Variants in MAGI2 observed in about 807,000 individuals in gnomAD.
MAGI2 encodes the protein membrane-associated guanylate kinase, WW and PDZ domain-containing protein 2.
A neutral mutation model predicts 133.3 loss-of-function variants in MAGI2; 35 were observed. That is an observed-to-expected ratio of 0.26 (90% CI 0.20 to 0.35). The LOEUF (loss-of-function observed/expected upper bound fraction) is 0.35. MAGI2 is among the 10% of genes least tolerant of loss of function. The pLI, the probability that MAGI2 is intolerant of heterozygous loss-of-function variation, is 1.00. For synonymous variants in MAGI2, 729 were observed against 710.6 expected (o/e 1.03, Z -0.41); for missense variants, 1,636 against 1,863.4 (o/e 0.88, Z 2.25).
At position 78,582,259 on chromosome 7, in the gene MAGI2, G is replaced by A. The variant is rs1802911375; in HGVS notation, c.538+44861C>T. Among the ~76,000 whole-genome samples, 2 of 152,284 alleles carry A rather than the reference G, an allele frequency of 1.3e-5. 1 individual carries two copies. The highest frequency in any genetic ancestry group is 3.9e-4 in the East Asian group (2 of 5,174). Reference sequence around the variant, plus strand: ...CCCTCAACCAGTCTTCAGGTATAAGGCAGGAAAGGAGTCTAAGAGCAACCA... The same window carrying A: ...CCCTCAACCAGTCTTCAGGTATAAGACAGGAAAGGAGTCTAAGAGCAACCA... On this transcript the variant is annotated intron_variant, in intron 3 of 21. Coordinates refer to ENST00000354212, the MANE Select transcript of MAGI2 (RefSeq NM_012301.4).
chr7:79,008,389 C>G lies in MAGI2; in HGVS notation c.302-1183G>C, dbSNP rs1284224063. Among the ~76,000 whole-genome samples, 3 of 152,238 alleles carry G rather than the reference C, an allele frequency of 2.0e-5. No homozygotes were observed. In the East Asian group the frequency reaches 5.8e-4, roughly 29 times the overall value. ...AATAGACTTACATATTGTAACATTTCTAAAGTTTTCAAAATCCATCATTTC... is the reference window on the plus strand; with the variant it reads ...AATAGACTTACATATTGTAACATTTGTAAAGTTTTCAAAATCCATCATTTC... On this transcript the variant is annotated intron_variant, in intron 1 of 21. Transcript: ENST00000354212.
In MAGI2 at chr7:79,136,426, A is replaced by T. The variant is rs545924939; in HGVS notation, c.302-129220T>A. ...CATTAAGAAAGACATGCAAATCTGCAGTGAACATTCAAGGACTAGCACCTT... is the reference window on the plus strand; with the variant it reads ...CATTAAGAAAGACATGCAAATCTGCTGTGAACATTCAAGGACTAGCACCTT... On this transcript the variant is annotated intron_variant, in intron 1 of 21. Transcript: ENST00000354212. Among the ~76,000 whole-genome samples, 5 of 152,354 alleles carry T rather than the reference A, an allele frequency of 3.3e-5. No homozygotes were observed. The South Asian group carries it at 8.3e-4, about 25-fold the overall frequency.
chr7:78,972,160 A>G (rs7804099), intron 2 of MAGI2, among the ~76,000 whole-genome samples: 7,127 of 152,046 alleles, frequency 0.047, 497 homozygotes, highest in African/African-American at 0.16. Flanking sequence ...AAGCAGGAAT[A>G]TAAAAAGAGC....
At chr7:78,120,574 A>G (rs1820335599) in intron 20 of MAGI2, among the ~76,000 whole-genome samples, 1 of 152,232 alleles carries the variant, frequency 6.6e-6, no homozygotes, top group Non-Finnish European at 1.5e-5. Context: ...GCATTGATGC[A>G]GGGATAGACA....
chr7:79,155,260 A>ATTTCATATGATC (rs11274701), intron 1 of MAGI2, among the ~76,000 whole-genome samples: 111,012 of 151,778 alleles, frequency 0.73, 42,035 homozygotes, highest in Non-Finnish European at 0.84. Context: ...TGAATAATCA[A>ATTTCATATGATC]TTTCACTTAT....
chr7:79,120,550 T>C (rs1212779790), intron 1 of MAGI2, among the ~76,000 whole-genome samples: 1 of 152,032 alleles, frequency 6.6e-6, no homozygotes. Flanking sequence ...TTGGCAAATA[T>C]TTTAAATAAG....
chr7:78,469,986 C>T lies in MAGI2; in HGVS notation c.1045+19775G>A, dbSNP rs78475975. Among the ~76,000 whole-genome samples, 535 of 152,244 alleles carry T rather than the reference C, an allele frequency of 3.5e-3. 3 individuals carry two copies. The highest frequency in any genetic ancestry group is 0.012 in the African/African-American group (503 of 41,558). The stretch of plus-strand genomic sequence containing the variant: ...ATGCAGAATATATAAAATGTGGCTT[C>T]GCTAAATGCCGTAGACACATGCAGT... On this transcript the variant is annotated intron_variant, in intron 6 of 21. Transcript: ENST00000354212.
At chr7:79,013,351 A>G (rs1808373911) in intron 1 of MAGI2, among the ~76,000 whole-genome samples, 1 of 152,174 alleles carries the variant, frequency 6.6e-6, no homozygotes, top group Non-Finnish European at 1.5e-5. Flanking sequence ...TCATCAAATA[A>G]GTAGGAAAGT....
chr7:79,152,702 C>T (rs377475390), intron 1 of MAGI2, among the ~76,000 whole-genome samples: 1 of 152,114 alleles, frequency 6.6e-6, no homozygotes, highest in African/African-American at 2.4e-5. Flanking sequence ...GTCAGGTTTA[C>T]AAAGTTCTCC....
chr7:78,247,901 G>A (rs1273816007), intron 10 of MAGI2, among the ~76,000 whole-genome samples: 1 of 152,160 alleles, frequency 6.6e-6, no homozygotes, highest in African/African-American at 2.4e-5. Flanking sequence ...AAGCTTATCT[G>A]TAATTATAAA....
chr7:79,445,593 G>A (rs373127279), intron 1 of MAGI2, among the ~76,000 whole-genome samples: 3 of 152,150 alleles, frequency 2.0e-5, no homozygotes, highest in South Asian at 2.1e-4. Flanking sequence ...CATCAGAGAA[G>A]TGCAAATCAA....
intron 4 of MAGI2, among the ~76,000 whole-genome samples, chr7:78,515,387 T>G (rs1010265369): frequency 1.3e-5 from 2 of 152,120 alleles, no homozygotes; most frequent in South Asian, 4.2e-4. Flanking sequence ...TTTGAAGGAA[T>G]ATAGGATCAG....
chr7:79,451,220 G>A (rs920808616), intron 1 of MAGI2, among the ~76,000 whole-genome samples: 9 of 152,148 alleles, frequency 5.9e-5, no homozygotes, highest in Non-Finnish European at 2.9e-5. Flanking sequence ...TAGGGCATCC[G>A]TTTGTGGGAC....
chr7:78,374,473 A>C (rs1009524713), intron 6 of MAGI2, among the ~76,000 whole-genome samples: 1 of 152,080 alleles, frequency 6.6e-6, no homozygotes, highest in African/African-American at 2.4e-5. Context: ...TTGTCAGATA[A>C]ATAGTTTGCA....
At chr7:79,317,976 A>T (rs919429472) in intron 1 of MAGI2, among the ~76,000 whole-genome samples, 1 of 152,086 alleles carries the variant, frequency 6.6e-6, no homozygotes, top group Non-Finnish European at 1.5e-5. Context: ...ACCAGTATTG[A>T]TCACTCCCTC....
chr7:78,093,914 C>A (rs540631259), intron 20 of MAGI2, among the ~76,000 whole-genome samples: 7 of 152,294 alleles, frequency 4.6e-5, no homozygotes, highest in African/African-American at 1.4e-4. Context: ...GAAATATTAT[C>A]TCACTTAATT....
chr7:79,055,078 G>A (rs1271658213), intron 1 of MAGI2, among the ~76,000 whole-genome samples: 1 of 152,230 alleles, frequency 6.6e-6, no homozygotes, highest in African/African-American at 2.4e-5. Flanking sequence ...ACAGGCGTGA[G>A]CCACCATGTC....
chr7:79,024,556 A>G (rs1809679698), intron 1 of MAGI2, among the ~76,000 whole-genome samples: 1 of 152,140 alleles, frequency 6.6e-6, no homozygotes, highest in Non-Finnish European at 1.5e-5. Context: ...AACTATCAAC[A>G]AAGTAAAGAC....
chr7:79,127,603 A>G (rs1227453296), intron 1 of MAGI2, among the ~76,000 whole-genome samples: 3 of 152,138 alleles, frequency 2.0e-5, no homozygotes, highest in Admixed American at 1.3e-4. Context: ...TCTTCTTTTG[A>G]GAAGTGTCTA....
Sources: gnomAD v4.1 joint callset for allele counts (sites outside exome capture counted in the v4.1 genomes callset) on GRCh38, gnomAD v4.1.1 for gene constraint, MANE v1.5 for transcripts, NCBI Gene and HGNC (gene_info 2026-07-23, HGNC 2026-07-21) for gene names.